AKNA: variants seen among roughly 807,000 people sequenced by gnomAD.
The protein encoded by AKNA is microtubule organization protein AKNA.
A neutral mutation model predicts 138.8 loss-of-function variants in AKNA; 67 were observed. The observed-to-expected ratio is 0.48, with a 90% CI of 0.40 to 0.59. AKNA has a LOEUF of 0.59. AKNA is among the 20% of genes least tolerant of loss of function. The probability of loss-of-function intolerance (pLI) is 0.00; values close to 1 mark genes in which losing one functional copy is unlikely to be tolerated. For synonymous variants in AKNA, 737 were observed against 754.4 expected (o/e 0.98, Z 0.38); for missense variants, 1,813 against 1,880.4 (o/e 0.96, Z 0.66).
chr9:114,368,417 G>A (rs764542656), intron 5 of AKNA, 22 bp downstream of exon 5: 280 of 1,312,862 alleles, frequency 2.1e-4, no homozygotes, highest in Non-Finnish European at 2.6e-4. Flanking sequence ...GCCTCCAGCT[G>A]CAGCTCTTCT....
rs1449192987 is a variant in AKNA at position 114,359,595 on chromosome 9, C to T, written c.2491G>A (p.Glu831Lys). Residue 831 changes from glutamate to lysine, a missense_variant and splice_region_variant, in exon 11 of 22, where the codon GAG (glutamate) becomes AAG (lysine). By Grantham distance (56) the Glu-to-Lys change is moderately conservative. Transcript: ENST00000374088. ...TGCAGGAAAGGCTCAGTGACTTACT[C>T]CAGGGGAGCCCCATGACTTTTCTCA... ...QAEKSHGAPL[E>K]EATEKMVSMK... 6.2e-7 allele frequency: 1 copy of T among 1,614,066 alleles called. No individual in the cohort carries two copies. The highest frequency in any genetic ancestry group is 8.5e-7 in the Non-Finnish European group (1 of 1,180,048).
At chr9:114,345,661 CTGAA>C (rs201959374) in intron 18 of AKNA, 198 bp downstream of exon 18, 504 of 542,368 alleles carry the variant, frequency 9.3e-4, no homozygotes, top group South Asian at 1.3e-3. Flanking sequence ...AAAGTGTTTG[CTGAA>C]TGAATGAATG....
Position 114,337,240 on chromosome 9 carries a change from G to A in AKNA, c.4134C>T (p.Pro1378=). ...PAAKWPPTAS[P]PPARRHRHSI... ...AGTGCCGGTGTCTCCGGGCTGGTGG[G>A]GGAGAGGCTGTGGGCGGCCACTTGG... Residue 1378 remains proline, a synonymous_variant, in exon 22 of 22, where the codon CCC becomes CCT. Transcript: ENST00000374088. 1 of 1,570,706 alleles carries A rather than the reference G, an allele frequency of 6.4e-7. No individual in the cohort carries two copies. The highest frequency in any genetic ancestry group is 8.7e-7 in the Non-Finnish European group (1 of 1,150,262).
At position 114,336,861 on chromosome 9, in the gene AKNA, T is replaced by C. The variant is rs1192090480; in HGVS notation, c.*193A>G. The C allele has an allele frequency of 6.2e-6, 4 of 641,420 alleles. No homozygotes were observed. The highest frequency in any genetic ancestry group is 9.4e-6 in the Non-Finnish European group (4 of 426,520). 39.7% of individuals were successfully genotyped at this position (641,420 alleles called of 1,614,324 possible). On this transcript the variant is annotated 3_prime_UTR_variant, in exon 22 of 22. Transcript: ENST00000374088. ...ACTGGTGCTCCTGGGAAGTCACTTC[T>C]CTTGGTGACCGAGCTGACACCCCCT...
At chr9:114,377,585 T>C (rs1181375258) in intron 2 of AKNA, 53 bp from the exon 3 acceptor site, 2 of 1,498,452 alleles carry the variant, frequency 1.3e-6, no homozygotes, top group Non-Finnish European at 1.8e-6. Context: ...GCACCCACCT[T>C]GTAACTTACC....
chr9:114,360,755 G>A (rs968413441), intron 9 of AKNA, among the ~76,000 whole-genome samples: 1 of 152,124 alleles, frequency 6.6e-6, no homozygotes, highest in African/African-American at 2.4e-5. Context: ...GAGTTGGGAG[G>A]CATAGAGACC....
Position 114,337,013 on chromosome 9 carries a change from G to GGGGGGGGGGGCC in AKNA, c.*40_*41insGGCCCCCCCCCC. The GGGGGGGGGGGCC allele has an allele frequency of 9.3e-6, 11 of 1,185,368 alleles. No individual in the cohort carries two copies. The highest frequency in any genetic ancestry group is 3.1e-5 in the East Asian group (1 of 31,814). The allele number at this position is 1,185,368 out of a possible 1,614,324, so 73.4% of individuals were successfully genotyped here. On this transcript the variant is annotated 3_prime_UTR_variant, in exon 22 of 22. Coordinates refer to ENST00000374088, the MANE Select transcript of AKNA (RefSeq NM_001317950.2). ...CCACTCCTGGCCTGGCAGGCCACCT[G>GGGGGGGGGGGCC]CCCACCCACCCACCCATCTGCCTCT...
Position 114,376,675 on chromosome 9 carries a change from G to A in AKNA, c.1132C>T (p.Pro378Ser), listed in dbSNP as rs772098273. The A allele has an allele frequency of 1.2e-6, 2 of 1,613,542 alleles. No individual in the cohort carries two copies. The highest frequency in any genetic ancestry group is 2.2e-5 in the East Asian group (1 of 44,858). The change falls in exon 3 of 22, where the codon CCC becomes TCC. Residue 378 changes from proline (P) to serine (S), a missense_variant. Pro to Ser is a moderately conservative substitution (Grantham distance 74). Coordinates refer to ENST00000374088, the MANE Select transcript of AKNA (RefSeq NM_001317950.2). ...CTGTTGTGGCTTCTGGACTTGGGGGGACGGTAGCTCTCATCTTTGGGGAAT... is the reference window on the plus strand; with the variant it reads ...CTGTTGTGGCTTCTGGACTTGGGGGAACGGTAGCTCTCATCTTTGGGGAAT... ...VRFPKDESYR[P>S]PKSRSHNRKP...
At position 114,381,347 on chromosome 9, in the gene AKNA, G is replaced by A; in HGVS notation, c.-14C>T. 6.5e-7 allele frequency: 1 copy of A among 1,548,188 alleles called. No individual in the cohort carries two copies. Among genetic ancestry groups the A allele is most frequent in the Non-Finnish European group, 8.7e-7 (1 of 1,146,796 alleles). On this transcript the variant is annotated 5_prime_UTR_variant, in exon 2 of 22. Coordinates refer to ENST00000374088, the MANE Select transcript of AKNA (RefSeq NM_001317950.2). ...CGAGCTGGCCATTGGGGCTGGCCTG[G>A]GCTTCACCTGGGCCACTTCATCTTC...
At chr9:114,344,026 T>A in intron 18 of AKNA, 1 of 475,102 alleles carries the variant, frequency 2.1e-6, no homozygotes, top group Non-Finnish European at 3.8e-6. Context: ...AACATCTTTG[T>A]GTCTGTTTAT....
intron 4 of AKNA, among the ~76,000 whole-genome samples, chr9:114,370,484 G>A (rs1312577615): frequency 6.6e-6 from 1 of 152,170 alleles, no homozygotes; most frequent in Non-Finnish European, 1.5e-5. Context: ...AAGCAGAGAA[G>A]CCCAAAACCT....
intron 4 of AKNA, among the ~76,000 whole-genome samples, chr9:114,372,360 C>T (rs111339369): frequency 0.013 from 1,989 of 152,212 alleles, 33 homozygotes; most frequent in African/African-American, 0.045. Flanking sequence ...CCTACTGGGT[C>T]AAGGGAGCAC....
chr9:114,374,585 C>T (rs1330535019), intron 3 of AKNA, among the ~76,000 whole-genome samples: 1 of 152,178 alleles, frequency 6.6e-6, no homozygotes, highest in Non-Finnish European at 1.5e-5. Context: ...TTAAGAAGTA[C>T]CTGATTTTCA....
chr9:114,351,457 C>A (rs10739408), intron 14 of AKNA, among the ~76,000 whole-genome samples: 1 of 151,872 alleles, frequency 6.6e-6, no homozygotes, highest in Admixed American at 6.6e-5. Flanking sequence ...TAACTTTTAA[C>A]GAATCTCCCA....
chr9:114,363,214 T>C (rs1832101492), intron 7 of AKNA, among the ~76,000 whole-genome samples: 1 of 152,246 alleles, frequency 6.6e-6, no homozygotes, highest in South Asian at 2.1e-4. Flanking sequence ...CCAGGCCCTC[T>C]GGCCCCAGAG....
chr9:114,390,635 A>G (rs982104534), upstream of AKNA, among the ~76,000 whole-genome samples: 8 of 152,326 alleles, frequency 5.3e-5, no homozygotes, highest in Admixed American at 6.5e-5. Flanking sequence ...AGACCCTTCC[A>G]TGCTTCAGAC....
chr9:114,373,102 C>A (rs904675266), intron 4 of AKNA, among the ~76,000 whole-genome samples: 1 of 152,156 alleles, frequency 6.6e-6, no homozygotes, highest in Non-Finnish European at 1.5e-5. Flanking sequence ...TGGAGCATGA[C>A]AGGGGGAGGC....
intron 15 of AKNA, among the ~76,000 whole-genome samples, chr9:114,350,291 C>T (rs1311280819): frequency 1.3e-5 from 2 of 152,018 alleles, no homozygotes; most frequent in Non-Finnish European, 2.9e-5. Flanking sequence ...GAAACCTTGG[C>T]TGGGCCACCA....
At chr9:114,371,985 T>C (rs912956731) in intron 4 of AKNA, among the ~76,000 whole-genome samples, 1 of 152,188 alleles carries the variant, frequency 6.6e-6, no homozygotes, top group Non-Finnish European at 1.5e-5. Flanking sequence ...TCAAGCCCCA[T>C]GGACCCAGAG....
Sources: allele counts gnomAD v4.1 joint callset (sites outside exome capture counted in the v4.1 genomes callset), GRCh38; gene constraint gnomAD v4.1.1; transcripts MANE v1.5; gene names NCBI Gene and HGNC (gene_info 2026-07-23, HGNC 2026-07-21).